Variants in WIPF1 observed in about 807,000 individuals in gnomAD.
The protein encoded by WIPF1 is WAS/WASL-interacting protein family member 1.
In WIPF1, 13 loss-of-function variants were observed where a neutral mutation model predicts 35.4. That is an observed-to-expected ratio of 0.37 (90% CI 0.24 to 0.58). WIPF1 has a LOEUF of 0.58. Ranked by LOEUF, WIPF1 falls within the 20% of genes least tolerant of loss-of-function variation. WIPF1 has a pLI of 0.74. For missense variants in WIPF1, 591 were observed against 667.0 expected, an observed-to-expected ratio of 0.89 and a Z score of 1.25; for synonymous variants, 267 against 266.3, an observed-to-expected ratio of 1.00 and a Z score of -0.02.
chr2:174,614,395 T>C (rs1346040337), intron 1 of WIPF1, among the ~76,000 whole-genome samples: 1 of 152,156 alleles, frequency 6.6e-6, no homozygotes, highest in African/African-American at 2.4e-5. Flanking sequence ...TTTATTCTAG[T>C]GGTTGAGGAG....
At chr2:174,649,593 T>C (rs1450974157) in intron 1 of WIPF1, among the ~76,000 whole-genome samples, 1 of 152,134 alleles carries the variant, frequency 6.6e-6, no homozygotes, top group African/African-American at 2.4e-5. Flanking sequence ...CAATAAAAGC[T>C]CTGGCCTAAA....
chr2:174,589,250 C>T (rs1051029484), intron 1 of WIPF1, among the ~76,000 whole-genome samples: 3 of 152,206 alleles, frequency 2.0e-5, no homozygotes, highest in Non-Finnish European at 2.9e-5. Flanking sequence ...AGGGTTCTTA[C>T]TAAATATATA....
chr2:174,571,803 G>C lies in WIPF1; in HGVS notation c.1002C>G (p.Leu334=). ...AACTGAGGGACAGATTCCGCTGTGG[G>C]AGTCTTGGGGTTTCGTCATTGCCGC... is the stretch of plus-strand genomic sequence containing the variant. ...SSSGNDETPR[L]PQRNLSLSSS... Residue 334 remains leucine (L), a synonymous_variant, in exon 5 of 8, where the codon CTC becomes CTG. Coordinates refer to ENST00000679041, the MANE Select transcript of WIPF1 (RefSeq NM_001375834.1). This position sits in a 1 kb window ranked among gnomAD's most constrained non-coding sequence, Gnocchi z 4.6. The C allele has an allele frequency of 6.2e-7, 1 of 1,614,256 alleles. No homozygotes were observed. Among genetic ancestry groups the C allele is most frequent in the Non-Finnish European group, 8.5e-7 (1 of 1,180,040 alleles).
chr2:174,605,735 A>C (rs1686140445), intron 1 of WIPF1, among the ~76,000 whole-genome samples: 1 of 152,156 alleles, frequency 6.6e-6, no homozygotes, highest in Admixed American at 6.5e-5. Context: ...AAATGAAACA[A>C]AATTGATCAT....
intron 1 of WIPF1, among the ~76,000 whole-genome samples, chr2:174,586,458 A>G (rs1685425974): frequency 6.6e-6 from 1 of 152,188 alleles, no homozygotes; most frequent in Admixed American, 6.5e-5. Context: ...AACAAAGGGA[A>G]GACCAGATTC....
intron 1 of WIPF1, among the ~76,000 whole-genome samples, chr2:174,631,627 TC>T (rs1410140486): frequency 6.6e-6 from 1 of 152,124 alleles, no homozygotes; most frequent in African/African-American, 2.4e-5. Flanking sequence ...CAATTAAAAC[TC>T]CCCCAAAACC....
chr2:174,670,598 C>A (rs909072588), intron 1 of WIPF1, among the ~76,000 whole-genome samples: 1 of 152,162 alleles, frequency 6.6e-6, no homozygotes, highest in African/African-American at 2.4e-5. Context: ...AATGTTAGCA[C>A]CAATTTTGAG....
At chr2:174,648,091 C>A (rs569480284) in intron 1 of WIPF1, among the ~76,000 whole-genome samples, 2 of 152,082 alleles carry the variant, frequency 1.3e-5, no homozygotes, top group Non-Finnish European at 2.9e-5. Flanking sequence ...TTGAAATGGC[C>A]GCAGACAGGC....
chr2:174,604,399 A>T (rs558549589), intron 1 of WIPF1, among the ~76,000 whole-genome samples: 2 of 152,358 alleles, frequency 1.3e-5, no homozygotes, highest in African/African-American at 4.8e-5. Flanking sequence ...CAATGCTTAC[A>T]CACAAAGTCA....
intron 3 of WIPF1, among the ~76,000 whole-genome samples, chr2:174,577,265 T>C (rs374730473): frequency 3.3e-5 from 5 of 152,230 alleles, no homozygotes; most frequent in East Asian, 1.9e-4. Flanking sequence ...TTTTCTAGTA[T>C]GCACATGGTC....
chr2:174,664,694 G>A (rs1327833653), intron 1 of WIPF1, among the ~76,000 whole-genome samples: 1 of 152,246 alleles, frequency 6.6e-6, no homozygotes, highest in Non-Finnish European at 1.5e-5. Flanking sequence ...AGTCAAACCA[G>A]ACAAACCTCA....
chr2:174,562,616 C>T lies in WIPF1; in HGVS notation c.1457-14G>A, dbSNP rs1460062449. On this transcript the variant is annotated splice_polypyrimidine_tract_variant and intron_variant, in intron 7 of 7. Coordinates refer to ENST00000679041, the MANE Select transcript of WIPF1 (RefSeq NM_001375834.1). ...GGTTGGATCCACCTTGGTGAAAAAA[C>T]AGACAAAATATAATTTTGGTTAGAA... 22 of 1,613,846 alleles carry T rather than the reference C, an allele frequency of 1.4e-5. No homozygotes were observed. Among genetic ancestry groups the T allele is most frequent in the Non-Finnish European group, 1.9e-5 (22 of 1,179,952 alleles).
chr2:174,600,594 C>T (rs981954403), upstream of WIPF1, among the ~76,000 whole-genome samples: 19 of 152,174 alleles, frequency 1.2e-4, no homozygotes, highest in Non-Finnish European at 2.8e-4. Context: ...TCTTTTTGTT[C>T]CTTTTTATTC....
chr2:174,577,273 G>T (rs911951233), intron 3 of WIPF1, among the ~76,000 whole-genome samples: 6 of 152,030 alleles, frequency 3.9e-5, no homozygotes, highest in Admixed American at 3.9e-4. Flanking sequence ...TATGCACATG[G>T]TCTTCAAATA....
In WIPF1 at chr2:174,672,545, G is replaced by GGA. The variant is rs546374346; in HGVS notation, c.-39+10228_-39+10229insTC. On this transcript the variant is annotated intron_variant, in intron 1 of 8. Transcript: ENST00000272746. ...ACACTATTTTAGCTAAATGAGAAAT[G>GGA]TGATGGATATATACATCTTTCCCTT... Among the ~76,000 whole-genome samples, 4 of 152,246 alleles carry GGA rather than the reference G, an allele frequency of 2.6e-5. No homozygotes were observed. In the South Asian group the frequency reaches 8.3e-4, roughly 31 times the overall value.
chr2:174,610,482 T>G (rs1282018681), intron 1 of WIPF1, among the ~76,000 whole-genome samples: 1 of 152,172 alleles, frequency 6.6e-6, no homozygotes, highest in Admixed American at 6.5e-5. Context: ...CACAAAAATT[T>G]GGGGTATAAA....
chr2:174,670,452 C>T (rs1033448614), intron 1 of WIPF1, among the ~76,000 whole-genome samples: 2 of 152,200 alleles, frequency 1.3e-5, no homozygotes, highest in African/African-American at 2.4e-5. Flanking sequence ...ACTGAGTTGT[C>T]GAGGGCACTT....
chr2:174,661,566 C>A (rs1027808931), intron 1 of WIPF1, among the ~76,000 whole-genome samples: 1 of 152,196 alleles, frequency 6.6e-6, no homozygotes, highest in Non-Finnish European at 1.5e-5. Context: ...ACTGCCATGT[C>A]TCGAGCGTAT....
At chr2:174,658,304 G>A (rs1459227164) in intron 1 of WIPF1, among the ~76,000 whole-genome samples, 1 of 152,182 alleles carries the variant, frequency 6.6e-6, no homozygotes, top group East Asian at 1.9e-4. Flanking sequence ...ATGAACACTT[G>A]TTCTGCTCAT....
Sources: gnomAD v4.1 joint callset for allele counts (sites outside exome capture counted in the v4.1 genomes callset) on GRCh38, gnomAD v4.1.1 for gene constraint, Gnocchi (gnomAD v3.1) non-coding constraint, MANE v1.5 for transcripts, NCBI Gene and HGNC (gene_info 2026-07-23, HGNC 2026-07-21) for gene names.